The following STPG2 variants were observed in gnomAD, a reference collection of about 807,000 sequenced individuals.
STPG2 encodes sperm tail PG-rich repeat containing 2.
Under a neutral mutation model 54.2 loss-of-function variants are expected in STPG2, and 56 were observed. The ratio of observed to expected loss-of-function variants is 1.03; its 90% CI spans 0.83 to 1.29. STPG2 has a LOEUF of 1.29. Among genes scored for constraint, STPG2 ranks in the 50% most tolerant of loss-of-function variants. The pLI, the probability that STPG2 is intolerant of heterozygous loss-of-function variation, is 0.00. For missense variants in STPG2, 596 were observed against 544.9 expected, an observed-to-expected ratio of 1.09 and a Z score of -0.93; for synonymous variants, 200 against 181.8, an observed-to-expected ratio of 1.10 and a Z score of -0.81.
At position 97,904,012 on chromosome 4, in the gene STPG2, G is replaced by A. The variant is rs144505014; in HGVS notation, c.1044+39885C>T. Among the ~76,000 whole-genome samples, 23 of 152,186 alleles carry A rather than the reference G, an allele frequency of 1.5e-4. 1 individual carries two copies. The highest frequency in any genetic ancestry group is 4.8e-4 in the African/African-American group (20 of 41,564). On this transcript the variant is annotated intron_variant, in intron 8 of 10. Coordinates refer to ENST00000295268, the MANE Select transcript of STPG2 (RefSeq NM_174952.3). ...TGAGATCAAACTGCAAGGCAGCAGC[G>A]AGGCTGGGGGAGGGGCGCCCAGCAT...
chr4:98,066,630 C>T (rs1737846008), intron 5 of STPG2, among the ~76,000 whole-genome samples: 1 of 151,964 alleles, frequency 6.6e-6, no homozygotes. Flanking sequence ...GTCACATTCC[C>T]TTACCCATAT....
intron 10 of STPG2, among the ~76,000 whole-genome samples, chr4:97,707,935 A>G (rs1723999765): frequency 6.6e-6 from 1 of 152,326 alleles, no homozygotes; most frequent in Admixed American, 6.5e-5. Flanking sequence ...GATTTTACCA[A>G]ACAAGCATGC....
chr4:98,133,081 T>C (rs1184936917), intron 2 of STPG2, among the ~76,000 whole-genome samples: 1 of 152,074 alleles, frequency 6.6e-6, no homozygotes. Context: ...TAAAGACTTA[T>C]TAGCAACAGC....
intron 4 of STPG2, among the ~76,000 whole-genome samples, chr4:97,502,284 TA>T (rs994411491): frequency 2.0e-5 from 3 of 150,748 alleles, no homozygotes; most frequent in South Asian, 2.1e-4. Flanking sequence ...GCGTCCCTGA[TA>T]AAAAAAAATA....
At chr4:98,087,598 T>C (rs1199771748) in intron 5 of STPG2, among the ~76,000 whole-genome samples, 1 of 149,270 alleles carries the variant, frequency 6.7e-6, no homozygotes, top group Middle Eastern at 3.4e-3. Flanking sequence ...TCTGGCTCTG[T>C]CGCTCAGGTT....
At chr4:98,131,120 A>AT (rs1320809717) in intron 2 of STPG2, among the ~76,000 whole-genome samples, 1 of 151,688 alleles carries the variant, frequency 6.6e-6, no homozygotes, top group Non-Finnish European at 1.5e-5. Flanking sequence ...GGGAAAAAAT[A>AT]TTTTTTCCCA....
intron 8 of STPG2, among the ~76,000 whole-genome samples, chr4:97,886,358 A>C (rs1730570096): frequency 6.6e-6 from 1 of 152,208 alleles, no homozygotes; most frequent in African/African-American, 2.4e-5. Flanking sequence ...TAACATATTT[A>C]AGATAGTCAA....
At chr4:98,027,889 C>T (rs1736476145) in intron 5 of STPG2, among the ~76,000 whole-genome samples, 1 of 152,178 alleles carries the variant, frequency 6.6e-6, no homozygotes, top group African/African-American at 2.4e-5. Context: ...ATGTATCCTT[C>T]TTTCTGTCCC....
intron 10 of STPG2, among the ~76,000 whole-genome samples, chr4:97,635,411 A>G (rs1286173288): frequency 6.6e-6 from 1 of 152,166 alleles, no homozygotes; most frequent in Non-Finnish European, 1.5e-5. Context: ...GACCATTGAG[A>G]CTAGGAAGAA....
intron 10 of STPG2, among the ~76,000 whole-genome samples, chr4:97,688,880 C>A (rs1369255875): frequency 2.6e-5 from 4 of 152,114 alleles, no homozygotes; most frequent in Admixed American, 2.6e-4. Context: ...AATTTAAGGT[C>A]TTTCCTTCAC....
intron 8 of STPG2, among the ~76,000 whole-genome samples, chr4:97,906,590 T>C (rs1578676763): frequency 6.6e-6 from 1 of 152,130 alleles, no homozygotes; most frequent in African/African-American, 2.4e-5. Context: ...CCAATATCCT[T>C]GATGAACATT....
intron 4 of STPG2, among the ~76,000 whole-genome samples, chr4:97,544,101 T>G (rs1045894820): frequency 1.3e-5 from 2 of 152,090 alleles, no homozygotes; most frequent in Non-Finnish European, 2.9e-5. Flanking sequence ...CCTAACAAAT[T>G]TAACTAAGCA....
intron 5 of STPG2, chr4:98,048,715 A>C (rs992352065): frequency 1.3e-5 from 2 of 153,454 alleles, no homozygotes; most frequent in Admixed American, 1.3e-4. Flanking sequence ...TACAGTGCCT[A>C]TTATTATACA....
intron 8 of STPG2, among the ~76,000 whole-genome samples, chr4:97,928,189 C>T (rs1292490934): frequency 4.6e-5 from 7 of 152,060 alleles, no homozygotes; most frequent in Admixed American, 2.6e-4. Context: ...TCTGAGAGGC[C>T]CTCCTTGGCC....
chr4:98,104,494 A>G (rs1485862696), intron 5 of STPG2, among the ~76,000 whole-genome samples: 1 of 152,210 alleles, frequency 6.6e-6, no homozygotes, highest in Non-Finnish European at 1.5e-5. Context: ...GTTTTAAGAT[A>G]CTGTGATAGA....
chr4:97,481,432 T>C (rs564650880), intron 4 of STPG2, among the ~76,000 whole-genome samples: 186 of 151,728 alleles, frequency 1.2e-3, no homozygotes, highest in Non-Finnish European at 2.0e-3. Flanking sequence ...TTCTATTGTG[T>C]TTCATCTGTA....
chr4:97,948,707 T>C (rs1352950222), intron 7 of STPG2, among the ~76,000 whole-genome samples: 2 of 152,160 alleles, frequency 1.3e-5, no homozygotes, highest in African/African-American at 4.8e-5. Flanking sequence ...AATTTCTATG[T>C]ATAGGTATAG....
chr4:98,024,637 C>A (rs1228155461), intron 5 of STPG2, among the ~76,000 whole-genome samples: 3 of 152,186 alleles, frequency 2.0e-5, no homozygotes, highest in Non-Finnish European at 4.4e-5. Context: ...AGTATCTACA[C>A]ATTTTTGTAC....
intron 1 of STPG2, among the ~76,000 whole-genome samples, chr4:98,141,836 AGGACT>A (rs1482346526): frequency 3.3e-5 from 5 of 151,596 alleles, no homozygotes; most frequent in African/African-American, 1.2e-4. Context: ...AAGGCCATGA[AGGACT>A]GCTTGGAGAG....
Sources: gnomAD v4.1 joint callset for allele counts (sites outside exome capture counted in the v4.1 genomes callset) on GRCh38, gnomAD v4.1.1 for gene constraint, MANE v1.5 for transcripts, NCBI Gene and HGNC (gene_info 2026-07-23, HGNC 2026-07-21) for gene names.